Variants in DMAP1 observed in about 807,000 individuals in gnomAD.
DMAP1 encodes the protein DNA methyltransferase 1 associated protein 1.
A neutral mutation model predicts 52.7 loss-of-function variants in DMAP1; 26 were observed. The ratio of observed to expected loss-of-function variants is 0.49; its 90% CI spans 0.36 to 0.68. The LOEUF (loss-of-function observed/expected upper bound fraction) is 0.68, where lower values mean the gene tolerates loss of function less well. Ranked by LOEUF, DMAP1 falls within the 30% of genes least tolerant of loss-of-function variation. The pLI, the probability that DMAP1 is intolerant of heterozygous loss-of-function variation, is 0.00. For synonymous variants in DMAP1, 231 were observed against 246.0 expected (o/e 0.94, Z 0.57); for missense variants, 439 against 625.2 (o/e 0.70, Z 3.18).
At chr1:44,215,668 T>C (rs1643777328) in intron 3 of DMAP1, 1 of 208,832 alleles carries the variant, frequency 4.8e-6, no homozygotes, top group Non-Finnish European at 9.9e-6. Context: ...TCTGAGAACG[T>C]GGCATTTGAG....
rs375445340 is a variant in DMAP1 at position 44,218,478 on chromosome 1, T to C, written c.552+9T>C. 18 of 1,613,704 alleles carry C rather than the reference T, an allele frequency of 1.1e-5. No homozygotes were observed. In the African/African-American group the frequency reaches 1.2e-4, roughly 11 times the overall value. ...ACCACCAGCAGTTCAAGGTGAGCCA[T>C]TGTGTATTTGCATGGGTGCCCAGCT... is the stretch of plus-strand genomic sequence containing the variant. On this transcript the variant is annotated intron_variant, in intron 4 of 9. Transcript: ENST00000372289. This position sits in a 1 kb window ranked among gnomAD's most constrained non-coding sequence, Gnocchi z 5.6.
intron 6 of DMAP1, 77 bp from the exon 7 acceptor site, chr1:44,219,329 G>T: frequency 6.4e-7 from 1 of 1,553,066 alleles, no homozygotes; most frequent in Non-Finnish European, 8.7e-7. Context: ...AGAGTACCCA[G>T]TGCTGATGGG....
chr1:44,214,043 T>C (rs1361557122), intron 1 of DMAP1, among the ~76,000 whole-genome samples, 185 bp downstream of exon 1: 1 of 152,138 alleles, frequency 6.6e-6, no homozygotes, highest in African/African-American at 2.4e-5. Context: ...TCGTGGGAGA[T>C]GGTGGGACCA....
chr1:44,219,033 C>T, intron 5 of DMAP1, 23 bp from the exon 6 acceptor site: 1 of 1,612,938 alleles, frequency 6.2e-7, no homozygotes, highest in South Asian at 1.1e-5. Flanking sequence ...CCCTCACACA[C>T]TTCGCATCCC....
Position 44,213,607 on chromosome 1 carries a change from C to G in DMAP1, c.-147C>G, listed in dbSNP as rs1295606618. On this transcript the variant is annotated 5_prime_UTR_variant, in exon 1 of 10. Transcript: ENST00000372289. The surrounding 1 kb of genome is among the most constrained non-coding windows in gnomAD (Gnocchi z 4.5). ...GGTGGGGCACAGGCAGATCCCCGACCTGACCTGGACCACCCTTCTCCTCTT... is the reference window on the plus strand; with the variant it reads ...GGTGGGGCACAGGCAGATCCCCGACGTGACCTGGACCACCCTTCTCCTCTT... The G allele has an allele frequency of 1.5e-6, 1 of 667,950 alleles. No individual in the cohort carries two copies. Among genetic ancestry groups the G allele is most frequent in the Non-Finnish European group, 2.6e-6 (1 of 388,906 alleles). The allele number at this position is 667,950 out of a possible 1,614,324, so 41.4% of individuals were successfully genotyped here.
chr1:44,215,200 T>G, intron 3 of DMAP1: 1 of 528,640 alleles, frequency 1.9e-6, no homozygotes, highest in Non-Finnish European at 3.6e-6. Flanking sequence ...ACTTTCTTAG[T>G]ATGAACCCTG....
In DMAP1 at chr1:44,219,068, G is replaced by A; in HGVS notation, c.733G>A (p.Glu245Lys). 1.9e-6 allele frequency: 3 copies of A among 1,614,102 alleles called. No homozygotes were observed. Among genetic ancestry groups the A allele is most frequent in the Non-Finnish European group, 2.5e-6 (3 of 1,180,002 alleles). ...CTCACTTTCCCAGGTGGCAGAGGAGGAGTACCTGCTACAGGAGCTGCGCAA... is the reference window on the plus strand; with the variant it reads ...CTCACTTTCCCAGGTGGCAGAGGAGAAGTACCTGCTACAGGAGCTGCGCAA... ...NRTPEQVAEE[E>K]YLLQELRKIE... The change falls in exon 6 of 10, where the codon GAG becomes AAG. Residue 245 changes from glutamate to lysine, a missense_variant. Glu to Lys is a moderately conservative substitution (Grantham distance 56). Around this residue, in one of 3 missense-constraint regions of DMAP1, gnomAD observed 142 missense variants for 149.5 expected, o/e 0.95. Transcript: ENST00000372289.
Position 44,213,664 on chromosome 1 carries a change from T to C in DMAP1, c.-90T>C. The C allele has an allele frequency of 5.7e-6, 7 of 1,235,124 alleles. No individual in the cohort carries two copies. The highest frequency in any genetic ancestry group is 8.0e-6 in the Non-Finnish European group (7 of 869,890). 76.5% of individuals were successfully genotyped at this position (1,235,124 alleles called of 1,614,324 possible). A position where few individuals can be genotyped will look rare whatever the true frequency, so the allele number is the denominator to read the frequency against. On this transcript the variant is annotated 5_prime_UTR_variant, in exon 1 of 10. Transcript: ENST00000372289. This position sits in a 1 kb window ranked among gnomAD's most constrained non-coding sequence, Gnocchi z 4.5. ...CCCCTTCAACTCGCCTCCGCTTAGG[T>C]CTGGATTGGCCCCGCCCCCTGACCT...
At chr1:44,219,613 T>C (rs977038731) in intron 7 of DMAP1, 136 bp downstream of exon 7, 1 of 1,155,140 alleles carries the variant, frequency 8.7e-7, no homozygotes, top group Non-Finnish European at 1.2e-6. Flanking sequence ...TGGCAGGATC[T>C]CAGTGATGTG....
At position 44,214,814 on chromosome 1, in the gene DMAP1, G is replaced by A. The variant is rs199940103; in HGVS notation, c.309G>A (p.Pro103=). Residue 103 remains proline, a synonymous_variant, in exon 3 of 10, where the codon CCG becomes CCA. Transcript: ENST00000372289. ...GGAAGTGGATGCCATTCACCAACCC[G>A]GCCCGCAAGGACGGAGCAATGTTCT... The part of the protein sequence containing the change: ...RPWKWMPFTN[P]ARKDGAMFFH... 1.1e-5 allele frequency: 18 copies of A among 1,614,040 alleles called. 1 individual carries two copies. Among genetic ancestry groups the A allele is most frequent in the South Asian group, 7.7e-5 (7 of 91,088 alleles).
In DMAP1 at chr1:44,217,430, T is replaced by C. The variant is rs566989213; in HGVS notation, c.394-881T>C. The C allele has an allele frequency of 2.6e-5, 4 of 152,148 alleles. No homozygotes were observed. The South Asian group carries it at 8.3e-4, about 32-fold the overall frequency. 9.4% of individuals were successfully genotyped at this position (152,148 alleles called of 1,614,324 possible). ...GCAATGGAGACAGAAATTTTGGAGG[T>C]AAAAGCCACAGATTTGGTGAAGGGG... On this transcript the variant is annotated intron_variant, in intron 3 of 9. Coordinates refer to ENST00000372289, the MANE Select transcript of DMAP1 (RefSeq NM_019100.5).
Position 44,214,790 on chromosome 1 carries a change from G to A in DMAP1, c.285G>A (p.Trp95Ter). The A allele has an allele frequency of 6.2e-7, 1 of 1,614,206 alleles. No homozygotes were observed. The highest frequency in any genetic ancestry group is 8.5e-7 in the Non-Finnish European group (1 of 1,180,034). The change falls in exon 3 of 10, where the codon TGG becomes TGA. Residue 95 changes from tryptophan (W) to a stop codon, truncating the protein, a stop_gained. Coordinates refer to ENST00000372289, the MANE Select transcript of DMAP1 (RefSeq NM_019100.5). LOFTEE classifies it high-confidence loss of function. ...TGGGCTCCAAGAAGGTGCGGCCTTG[G>A]AAGTGGATGCCATTCACCAACCCGG... ...AKLGSKKVRP[W>*]KWMPFTNPAR...
At chr1:44,215,621 G>T (rs1643776604) in intron 3 of DMAP1, 1 of 285,740 alleles carries the variant, frequency 3.5e-6, no homozygotes, top group Non-Finnish European at 6.9e-6. Context: ...GAACTTGTAG[G>T]TGTAGGGGAG....
chr1:44,217,109 A>C (rs1382211285), intron 3 of DMAP1: 1 of 152,256 alleles, frequency 6.6e-6, no homozygotes, highest in Non-Finnish European at 1.5e-5. Flanking sequence ...AAAATTATAA[A>C]GACAAAATAC....
Position 44,218,661 on chromosome 1 carries a change from C to G in DMAP1, c.626C>G (p.Pro209Arg), listed in dbSNP as rs779322512. ...AAGCTTGCCAACGTGCGGGCTGTGC[C>G]AGGCACAGACCTTAAGATACCAGTA... ...CAKLANVRAV[P>R]GTDLKIPVFD... The change falls in exon 5 of 10, where the codon CCA becomes CGA. Residue 209 changes from proline (P) to arginine (R), a missense_variant. By Grantham distance (103) the Pro-to-Arg change is moderately radical. Transcript: ENST00000372289. The surrounding 1 kb of genome is among the most constrained non-coding windows in gnomAD (Gnocchi z 5.6). 6.2e-7 allele frequency: 1 copy of G among 1,614,074 alleles called. No individual in the cohort carries two copies. The highest frequency in any genetic ancestry group is 8.5e-7 in the Non-Finnish European group (1 of 1,179,934).
At chr1:44,215,182 T>C (rs1158316608) in intron 3 of DMAP1, 1 of 565,622 alleles carries the variant, frequency 1.8e-6, no homozygotes, top group Admixed American at 2.2e-5. Context: ...CTAGTCTTCT[T>C]GTTCTCTACT....
chr1:44,216,629 G>A (rs1464711977), intron 3 of DMAP1: 1 of 152,250 alleles, frequency 6.6e-6, no homozygotes, highest in Non-Finnish European at 1.5e-5. Context: ...TCCCAGAGGA[G>A]ATGATGCCTG....
At position 44,220,324 on chromosome 1, in the gene DMAP1, A is replaced by G; in HGVS notation, c.1344+15A>G. The G allele has an allele frequency of 6.5e-7, 1 of 1,533,826 alleles. No individual in the cohort carries two copies. ...CGCCCAATTCGGTAAGAGTCTGGACAGGCTGGGAGGCACGCCTGGGCCCTG... is the reference window on the plus strand; with the variant it reads ...CGCCCAATTCGGTAAGAGTCTGGACGGGCTGGGAGGCACGCCTGGGCCCTG... On this transcript the variant is annotated intron_variant, in intron 9 of 9. Coordinates refer to ENST00000372289, the MANE Select transcript of DMAP1 (RefSeq NM_019100.5).
rs1160287253 is a variant in DMAP1 at position 44,216,006 on chromosome 1, T to G, written c.393+1108T>G. On this transcript the variant is annotated intron_variant, in intron 3 of 9. Coordinates refer to ENST00000372289, the MANE Select transcript of DMAP1 (RefSeq NM_019100.5). ...TTTGTCCCTGGGCTGGAGTGTCACTTGTTATACCCTATGTATCAAACTTCC... is the reference window on the plus strand; with the variant it reads ...TTTGTCCCTGGGCTGGAGTGTCACTGGTTATACCCTATGTATCAAACTTCC... 3 of 152,520 alleles carry G rather than the reference T, an allele frequency of 2.0e-5. No individual in the cohort carries two copies. The East Asian group carries it at 5.8e-4, about 29-fold the overall frequency. The allele number at this position is 152,520 out of a possible 1,614,324, so 9.4% of individuals were successfully genotyped here. A position where few individuals can be genotyped will look rare whatever the true frequency, so the allele number is the denominator to read the frequency against.
Sources: gnomAD v4.1 joint callset for allele counts (sites outside exome capture counted in the v4.1 genomes callset) on GRCh38, gnomAD v4.1.1 for gene constraint, gnomAD v4.1.1 regional missense constraint, Gnocchi (gnomAD v3.1) non-coding constraint, MANE v1.5 for transcripts, NCBI Gene and HGNC (gene_info 2026-07-23, HGNC 2026-07-21) for gene names.